The following SPOCK1 variants were observed in gnomAD, a reference collection of about 807,000 sequenced individuals.
SPOCK1 encodes the protein testican-1.
SPOCK1 carries 23 observed loss-of-function variants against 55.3 expected under a neutral mutation model. The ratio of observed to expected loss-of-function variants is 0.42; its 90% CI spans 0.30 to 0.59. The LOEUF is 0.59. Ranked by LOEUF, SPOCK1 falls within the 20% of genes least tolerant of loss-of-function variation. The pLI, the probability that SPOCK1 is intolerant of heterozygous loss-of-function variation, is 0.22. For synonymous variants in SPOCK1, 226 were observed against 221.0 expected (o/e 1.02, Z -0.20); for missense variants, 499 against 552.5 (o/e 0.90, Z 0.97).
intron 3 of SPOCK1, among the ~76,000 whole-genome samples, chr5:137,259,876 C>T (rs1188591539): frequency 6.6e-6 from 1 of 151,984 alleles, no homozygotes; most frequent in African/African-American, 2.4e-5. Flanking sequence ...TTATTCTGAG[C>T]CCTCTCCACC....
chr5:137,266,303 T>G (rs1756849810), intron 3 of SPOCK1, among the ~76,000 whole-genome samples: 1 of 152,222 alleles, frequency 6.6e-6, no homozygotes. Flanking sequence ...ACATATGAAG[T>G]GCAATCTACC....
chr5:137,401,798 T>C (rs539586456), intron 2 of SPOCK1, among the ~76,000 whole-genome samples: 1 of 152,090 alleles, frequency 6.6e-6, no homozygotes, highest in East Asian at 1.9e-4. Context: ...TTTCTCAAGG[T>C]CACACAGCTT....
chr5:137,237,103 G>T (rs578059172), intron 3 of SPOCK1, among the ~76,000 whole-genome samples: 2 of 152,318 alleles, frequency 1.3e-5, no homozygotes, highest in East Asian at 1.9e-4. Flanking sequence ...GATGCCAATG[G>T]AATGAATTCT....
intron 2 of SPOCK1, among the ~76,000 whole-genome samples, chr5:137,451,130 AGCCACAG>A (rs1753246916): frequency 6.6e-6 from 1 of 152,172 alleles, no homozygotes; most frequent in African/African-American, 2.4e-5. Flanking sequence ...TTTTCAGGTA[AGCCACAG>A]GCCACAGGGT....
chr5:137,390,839 G>T (rs111890510), intron 2 of SPOCK1, among the ~76,000 whole-genome samples: 3 of 148,938 alleles, frequency 2.0e-5, no homozygotes, highest in Admixed American at 6.6e-5. Context: ...AGTAGCTGGT[G>T]GGGGGGTGTG....
intron 2 of SPOCK1, among the ~76,000 whole-genome samples, chr5:137,314,393 T>C (rs1270782673): frequency 6.6e-6 from 1 of 152,076 alleles, no homozygotes; most frequent in Non-Finnish European, 1.5e-5. Context: ...GTGGGCTTGA[T>C]TTAGAAGTGA....
intron 2 of SPOCK1, among the ~76,000 whole-genome samples, chr5:137,439,416 A>G (rs1469403173): frequency 6.6e-6 from 1 of 152,190 alleles, no homozygotes; most frequent in Non-Finnish European, 1.5e-5. Flanking sequence ...TTAACACTAT[A>G]AGTCCCAAAA....
At chr5:137,340,518 C>T (rs920691466) in intron 2 of SPOCK1, among the ~76,000 whole-genome samples, 1 of 152,146 alleles carries the variant, frequency 6.6e-6, no homozygotes, top group Non-Finnish European at 1.5e-5. Context: ...ACTGTAGTAC[C>T]CCTCACCAGG....
intron 6 of SPOCK1, among the ~76,000 whole-genome samples, chr5:137,063,817 A>T (rs1177041460): frequency 6.6e-6 from 1 of 152,198 alleles, no homozygotes; most frequent in Non-Finnish European, 1.5e-5. Context: ...ATAAAACTGT[A>T]CTCTGCATTG....
intron 2 of SPOCK1, among the ~76,000 whole-genome samples, chr5:137,450,765 G>C (rs1289310202): frequency 6.6e-6 from 1 of 151,982 alleles, no homozygotes; most frequent in Non-Finnish European, 1.5e-5. Flanking sequence ...TGAAGTCATA[G>C]GCTCTCTCCC....
At chr5:137,055,191 C>T (rs1561592587) in intron 6 of SPOCK1, among the ~76,000 whole-genome samples, 3 of 152,214 alleles carry the variant, frequency 2.0e-5, no homozygotes, top group Admixed American at 6.5e-5. Flanking sequence ...GAGCAACACA[C>T]TGTGGTTGTA....
At chr5:137,104,991 C>T (rs1003966449) in intron 5 of SPOCK1, among the ~76,000 whole-genome samples, 3 of 152,086 alleles carry the variant, frequency 2.0e-5, no homozygotes, top group East Asian at 3.9e-4. Flanking sequence ...AGTTGGGGAC[C>T]GCTGCCTTAT....
intron 6 of SPOCK1, among the ~76,000 whole-genome samples, chr5:137,000,253 G>A (rs1371544171): frequency 6.6e-6 from 1 of 152,148 alleles, no homozygotes; most frequent in Non-Finnish European, 1.5e-5. Context: ...AGCAGCCCTG[G>A]ATCAACGTGC....
At chr5:137,365,586 A>G (rs141330518) in intron 2 of SPOCK1, 2 of 152,338 alleles carry the variant, frequency 1.3e-5, no homozygotes, top group East Asian at 3.9e-4. Flanking sequence ...TGAAAAAACA[A>G]TTGTGAAGCA....
chr5:137,498,791 C>A (rs1754368022), intron 1 of SPOCK1, among the ~76,000 whole-genome samples: 1 of 152,208 alleles, frequency 6.6e-6, no homozygotes, highest in Non-Finnish European at 1.5e-5. Flanking sequence ...TGCCGTCCAA[C>A]TACAGGGGAC....
chr5:137,362,475 G>C (rs1048868761), intron 2 of SPOCK1, among the ~76,000 whole-genome samples: 1 of 151,526 alleles, frequency 6.6e-6, no homozygotes, highest in Non-Finnish European at 1.5e-5. Flanking sequence ...AACTACAGGC[G>C]CCCGCCACCA....
intron 2 of SPOCK1, among the ~76,000 whole-genome samples, chr5:137,341,677 C>T (rs904995743): frequency 6.6e-6 from 1 of 152,118 alleles, no homozygotes; most frequent in African/African-American, 2.4e-5. Flanking sequence ...TCAGGCTATA[C>T]CCCTGAATAG....
chr5:137,012,745 G>C (rs1751374725), intron 6 of SPOCK1, among the ~76,000 whole-genome samples: 4 of 152,270 alleles, frequency 2.6e-5, no homozygotes, highest in Admixed American at 6.5e-5. Flanking sequence ...TGACCTGTTA[G>C]ATTTTCTGTA....
intron 2 of SPOCK1, among the ~76,000 whole-genome samples, chr5:137,477,143 A>G (rs1753852160): frequency 6.6e-6 from 1 of 152,236 alleles, no homozygotes; most frequent in African/African-American, 2.4e-5. Flanking sequence ...AATACTAGGC[A>G]GTCATGCTCA....
Sources: allele counts gnomAD v4.1 joint callset (sites outside exome capture counted in the v4.1 genomes callset), GRCh38; gene constraint gnomAD v4.1.1; transcripts MANE v1.5; gene names NCBI Gene and HGNC (gene_info 2026-07-23, HGNC 2026-07-21).